Variants in DSCAML1 observed in about 807,000 individuals in gnomAD.
DSCAML1 encodes cell adhesion molecule DSCAML1.
DSCAML1 carries 38 observed loss-of-function variants against 200.5 expected under a neutral mutation model. The ratio of observed to expected loss-of-function variants is 0.19; its 90% CI spans 0.15 to 0.25. The LOEUF is 0.25. DSCAML1 is among the 10% of genes least tolerant of loss of function. The probability of loss-of-function intolerance (pLI) is 1.00; values close to 1 mark genes in which losing one functional copy is unlikely to be tolerated. For synonymous variants in DSCAML1, 1,215 were observed against 1,165.0 expected (o/e 1.04, Z -0.87); for missense variants, 2,223 against 2,858.8 (o/e 0.78, Z 5.07).
intron 3 of DSCAML1, among the ~76,000 whole-genome samples, chr11:117,700,759 G>A (rs2053652866): frequency 6.6e-6 from 1 of 152,180 alleles, no homozygotes; most frequent in Non-Finnish European, 1.5e-5. Context: ...CCAGTGCCAG[G>A]GGTAGAAGCT....
intron 3 of DSCAML1, among the ~76,000 whole-genome samples, chr11:117,590,360 C>T (rs1191462140): frequency 1.6e-5 from 2 of 122,958 alleles, no homozygotes; most frequent in South Asian, 2.4e-4. Flanking sequence ...GGCTTAAATA[C>T]ATAACTTAAA....
intron 3 of DSCAML1, among the ~76,000 whole-genome samples, chr11:117,670,597 C>T (rs530429804): frequency 3.9e-5 from 6 of 152,218 alleles, no homozygotes; most frequent in African/African-American, 1.4e-4. Flanking sequence ...TGAAGGCTGA[C>T]GGGAGGGGTC....
chr11:117,786,142 AAAG>A (rs1177009938), intron 1 of DSCAML1, among the ~76,000 whole-genome samples: 1 of 152,222 alleles, frequency 6.6e-6, no homozygotes, highest in African/African-American at 2.4e-5. Flanking sequence ...TTACCGAAAG[AAAG>A]AAGAGGAGGG....
In DSCAML1 at chr11:117,776,189, G is replaced by T. The variant is rs114057976; in HGVS notation, c.511+602C>A. ...CAATAATGAGGGACTCACAATCACG[G>T]CAGCTGTGATGAGATGAACCCACAA... On this transcript the variant is annotated intron_variant, in intron 3 of 32. Coordinates refer to ENST00000651296, the MANE Select transcript of DSCAML1 (RefSeq NM_020693.4). Among the ~76,000 whole-genome samples, 1,110 of 152,228 alleles carry T rather than the reference G, an allele frequency of 7.3e-3. 18 individuals carry two copies. The highest frequency in any genetic ancestry group is 0.026 in the African/African-American group (1,074 of 41,528).
chr11:117,810,114 T>G (rs1023406368), intron 1 of DSCAML1, among the ~76,000 whole-genome samples: 2 of 151,548 alleles, frequency 1.3e-5, no homozygotes, highest in Admixed American at 1.3e-4. Flanking sequence ...TACATACATA[T>G]TCACATTTCA....
At chr11:117,474,841 G>A (rs1471758820) in intron 14 of DSCAML1, among the ~76,000 whole-genome samples, 3 of 150,416 alleles carry the variant, frequency 2.0e-5, no homozygotes, top group Non-Finnish European at 1.5e-5. Flanking sequence ...TGCAAGCTCC[G>A]CCTCCCGGGT....
intron 1 of DSCAML1, among the ~76,000 whole-genome samples, chr11:117,810,500 A>C (rs1591527141): frequency 2.7e-5 from 4 of 147,326 alleles, no homozygotes; most frequent in African/African-American, 7.6e-5. Flanking sequence ...AGAAACCCCC[A>C]CCCCCTTCTC....
rs114456754 is a variant in DSCAML1, at chr11:117,734,303, C to T, written c.511+42488G>A. ...TTTCTCTAGGAAGCAAGAGCACTTA[C>T]GGGGTGGGGGAACCCAGTGATGGAA... On this transcript the variant is annotated intron_variant, in intron 3 of 32. Transcript: ENST00000651296. Among the ~76,000 whole-genome samples, 1,065 of 152,250 alleles carry T rather than the reference C, an allele frequency of 7.0e-3. 9 individuals are homozygous for T. Among genetic ancestry groups the T allele is most frequent in the African/African-American group, 0.024 (1,010 of 41,542 alleles).
At chr11:117,691,413 T>C (rs1478012500) in intron 3 of DSCAML1, among the ~76,000 whole-genome samples, 2 of 152,204 alleles carry the variant, frequency 1.3e-5, no homozygotes, top group African/African-American at 4.8e-5. Flanking sequence ...GTTTACATTA[T>C]GGTTATGTAT....
intron 3 of DSCAML1, among the ~76,000 whole-genome samples, chr11:117,575,734 A>T (rs1164415445): frequency 1.3e-5 from 2 of 152,078 alleles, no homozygotes; most frequent in Admixed American, 1.3e-4. Context: ...CAGGAGGCTG[A>T]GGTGGGAGGA....
chr11:117,529,161 CT>C (rs2050030304), intron 4 of DSCAML1, among the ~76,000 whole-genome samples: 1 of 152,112 alleles, frequency 6.6e-6, no homozygotes, highest in Admixed American at 6.6e-5. Context: ...TCACTGCAAC[CT>C]CTGCCTCCCT....
chr11:117,450,831 G>T, intron 19 of DSCAML1, 143 bp from the exon 20 acceptor site: 1 of 930,984 alleles, frequency 1.1e-6, no homozygotes, highest in Non-Finnish European at 1.6e-6. Flanking sequence ...TAGAAGGGGA[G>T]GGTCCATCCA....
At chr11:117,488,910 ATTTC>A (rs1349060990) in intron 11 of DSCAML1, among the ~76,000 whole-genome samples, 1 of 152,180 alleles carries the variant, frequency 6.6e-6, no homozygotes, top group East Asian at 1.9e-4. Flanking sequence ...GTCTCAGTGT[ATTTC>A]TTGACGAAGC....
At chr11:117,478,254 G>C (rs971606670) in intron 14 of DSCAML1, among the ~76,000 whole-genome samples, 11 of 152,148 alleles carry the variant, frequency 7.2e-5, no homozygotes, top group Admixed American at 6.5e-4. Context: ...GAGGAGGAAC[G>C]GGGGGAGGGG....
intron 3 of DSCAML1, among the ~76,000 whole-genome samples, chr11:117,625,428 G>A (rs1223629875): frequency 6.6e-6 from 1 of 152,220 alleles, no homozygotes; most frequent in Non-Finnish European, 1.5e-5. Context: ...GAGCAGGGGA[G>A]AGAACACTGA....
At chr11:117,773,084 G>A (rs932356925) in intron 3 of DSCAML1, among the ~76,000 whole-genome samples, 1 of 152,242 alleles carries the variant, frequency 6.6e-6, no homozygotes, top group Admixed American at 6.5e-5. Context: ...GCCAGGGATA[G>A]CCGGGAAGGC....
At chr11:117,605,590 T>C (rs1004589553) in intron 3 of DSCAML1, among the ~76,000 whole-genome samples, 1 of 152,168 alleles carries the variant, frequency 6.6e-6, no homozygotes, top group African/African-American at 2.4e-5. Context: ...GATTTCTCCA[T>C]TTAGGTCAGG....
intron 3 of DSCAML1, among the ~76,000 whole-genome samples, chr11:117,729,193 G>A (rs2137813385): frequency 6.6e-6 from 1 of 152,328 alleles, no homozygotes; most frequent in Non-Finnish European, 1.5e-5. Context: ...TCAACAAGTG[G>A]TGCTATAGCA....
chr11:117,435,728 G>C lies in DSCAML1; in HGVS notation c.4792C>G (p.Pro1598Ala). 6.2e-7 allele frequency: 1 copy of C among 1,613,432 alleles called. No individual in the cohort carries two copies. The highest frequency in any genetic ancestry group is 8.5e-7 in the Non-Finnish European group (1 of 1,179,414). ...DVKKLFTIGC[P>A]VILATLGVAL... ...ACCCCCAGTGTGGCCAGGATGACAG[G>C]GCAGCCGATGGTGAACAGCTTCTTC... is the stretch of plus-strand genomic sequence containing the variant. The change falls in exon 27 of 33, where the codon CCT becomes GCT. Residue 1598 changes from proline (P) to alanine (A), a missense_variant. This residue lies in a region of DSCAML1 where 614 missense variants were observed against 739.1 expected (regional missense o/e 0.83). Transcript: ENST00000651296.
Sources: allele counts gnomAD v4.1 joint callset (sites outside exome capture counted in the v4.1 genomes callset), GRCh38; gene constraint gnomAD v4.1.1; regional missense constraint gnomAD v4.1.1; transcripts MANE v1.5; gene names NCBI Gene and HGNC (gene_info 2026-07-23, HGNC 2026-07-21).